The following CFH variants were observed in gnomAD, a reference collection of about 807,000 sequenced individuals.
The protein encoded by CFH is H factor 1 (complement).
Under a neutral mutation model 147.3 loss-of-function variants are expected in CFH, and 53 were observed. The ratio of observed to expected loss-of-function variants is 0.36; its 90% CI spans 0.29 to 0.45. The LOEUF is 0.45. Among genes scored for constraint, CFH ranks in the 20% least tolerant of loss-of-function variants. The probability of loss-of-function intolerance (pLI) is 1.00; values close to 1 mark genes in which losing one functional copy is unlikely to be tolerated. For synonymous variants in CFH, 536 were observed against 489.4 expected, an observed-to-expected ratio of 1.10 and a Z score of -1.26; for missense variants, 1,380 against 1,498.0, an observed-to-expected ratio of 0.92 and a Z score of 1.30.
In CFH at chr1:196,672,312, G is replaced by A. The variant is rs117207869; in HGVS notation, c.59-666G>A. 2.6e-3 allele frequency among the ~76,000 whole-genome samples: 400 copies of A among 152,196 alleles called. 2 individuals are homozygous for A. The highest frequency in any genetic ancestry group is 0.013 in the East Asian group (67 of 5,188). On this transcript the variant is annotated intron_variant, in intron 1 of 21. Transcript: ENST00000367429. Reference sequence around the variant, plus strand: ...TACTTGAAACAGGTCCTTCCTACTTGTGTTTTGTTCATTTAATCCTCTTTG... The same window carrying A: ...TACTTGAAACAGGTCCTTCCTACTTATGTTTTGTTCATTTAATCCTCTTTG...
rs80287404 is a variant in CFH, at chr1:196,692,901, C to CCTTCCTTCCTTCCTTCCTTCCTT, written c.1336+2663_1336+2664insTTCCTTCCTTCCTTCCTTCCTTC. On this transcript the variant is annotated intron_variant, in intron 9 of 21. Transcript: ENST00000367429. ...CACCTCCCTCCCTCCCTCCCTCCCT[C>CCTTCCTTCCTTCCTTCCTTCCTT]CCTTCCTTCCTTCCTTCCTTCCTTC... Among the ~76,000 whole-genome samples the CCTTCCTTCCTTCCTTCCTTCCTT allele has an allele frequency of 5.8e-4, 41 of 70,722 alleles. 1 individual carries two copies. Among genetic ancestry groups the CCTTCCTTCCTTCCTTCCTTCCTT allele is most frequent in the African/African-American group, 2.3e-3 (31 of 13,566 alleles). The allele number at this position is 70,722 out of a possible 152,430, so 46.4% of individuals were successfully genotyped here. A position where few individuals can be genotyped will look rare whatever the true frequency, so the allele number is the denominator to read the frequency against.
At chr1:196,735,940 T>C (rs1442132794) in intron 15 of CFH, among the ~76,000 whole-genome samples, 2 of 151,988 alleles carry the variant, frequency 1.3e-5, no homozygotes, top group African/African-American at 4.8e-5. Context: ...TTTCCTATAG[T>C]ACGATTACAT....
chr1:196,671,369 T>G (rs571791547), intron 1 of CFH, among the ~76,000 whole-genome samples: 16 of 152,170 alleles, frequency 1.1e-4, no homozygotes, highest in African/African-American at 3.9e-4. Context: ...ATCGTATTTT[T>G]AAACAAAAAC....
chr1:196,721,972 G>A (rs1669010285), intron 11 of CFH, among the ~76,000 whole-genome samples: 1 of 151,922 alleles, frequency 6.6e-6, no homozygotes, highest in Non-Finnish European at 1.5e-5. Context: ...GCAGCATGTG[G>A]TTGGTTTCTG....
chr1:196,708,964 T>C (rs1668660007), intron 9 of CFH, among the ~76,000 whole-genome samples: 1 of 152,176 alleles, frequency 6.6e-6, no homozygotes, highest in Non-Finnish European at 1.5e-5. Flanking sequence ...AAGAGGCTGC[T>C]AAGAACATTG....
intron 1 of CFH, among the ~76,000 whole-genome samples, chr1:196,667,253 G>A (rs1186840859): frequency 1.3e-5 from 2 of 152,130 alleles, no homozygotes; most frequent in South Asian, 2.1e-4. Context: ...TGAGTTTCAT[G>A]GTGTAAATTC....
At chr1:196,681,727 T>C (rs958112893) in intron 6 of CFH, among the ~76,000 whole-genome samples, 4 of 151,824 alleles carry the variant, frequency 2.6e-5, no homozygotes, top group Admixed American at 6.6e-5. Context: ...TAGTTAAGCA[T>C]ACACTCTCTC....
chr1:196,737,153 T>A, intron 16 of CFH, 147 bp downstream of exon 16: 1 of 730,090 alleles, frequency 1.4e-6, no homozygotes, highest in Non-Finnish European at 2.2e-6. Flanking sequence ...CATTAATCAA[T>A]CACCACTCTT....
chr1:196,737,061 CT>C, intron 16 of CFH, 55 bp downstream of exon 16: 1 of 1,448,540 alleles, frequency 6.9e-7, no homozygotes, highest in Non-Finnish European at 9.6e-7. Flanking sequence ...TTAATATTCT[CT>C]TGTGCTTCGT....
At chr1:196,734,327 G>C (rs1669348634) in intron 15 of CFH, among the ~76,000 whole-genome samples, 1 of 151,972 alleles carries the variant, frequency 6.6e-6, no homozygotes, top group Non-Finnish European at 1.5e-5. Flanking sequence ...GACATTCTTG[G>C]GTGGAAGAAG....
chr1:196,702,596 C>T (rs1407765933), intron 9 of CFH, among the ~76,000 whole-genome samples: 1 of 150,720 alleles, frequency 6.6e-6, no homozygotes, highest in Non-Finnish European at 1.5e-5. Flanking sequence ...AGAACCCTAC[C>T]TGAGCAGGCA....
At chr1:196,697,531 AAT>A (rs1257098173) in intron 9 of CFH, among the ~76,000 whole-genome samples, 1 of 152,214 alleles carries the variant, frequency 6.6e-6, no homozygotes, top group Non-Finnish European at 1.5e-5. Context: ...GATGTGGAGA[AAT>A]AGGAACACTT....
chr1:196,662,305 G>T (rs957874909), intron 1 of CFH, among the ~76,000 whole-genome samples: 2 of 152,090 alleles, frequency 1.3e-5, no homozygotes, highest in African/African-American at 4.8e-5. Flanking sequence ...GAACTTAAAA[G>T]ACATTAATTT....
chr1:196,738,745 G>A (rs1226432215), intron 17 of CFH, among the ~76,000 whole-genome samples: 1 of 152,112 alleles, frequency 6.6e-6, no homozygotes, highest in Non-Finnish European at 1.5e-5. Flanking sequence ...GCAAGCTATT[G>A]ATGGATCTAC....
intron 10 of CFH, among the ~76,000 whole-genome samples, chr1:196,714,274 C>T (rs1174222312): frequency 2.0e-5 from 3 of 151,836 alleles, no homozygotes; most frequent in Non-Finnish European, 2.9e-5. Flanking sequence ...CTCCTAGATA[C>T]AAAAGCAATG....
intron 9 of CFH, among the ~76,000 whole-genome samples, chr1:196,692,777 T>C (rs1178156097): frequency 8.7e-5 from 9 of 102,898 alleles, no homozygotes; most frequent in African/African-American, 3.1e-4. Context: ...TTTCTTTCTT[T>C]CTTTCTTTCT....
intron 3 of CFH, among the ~76,000 whole-genome samples, chr1:196,674,691 C>T (rs1030273966): frequency 6.6e-5 from 10 of 152,078 alleles, no homozygotes; most frequent in Admixed American, 6.6e-4. Context: ...ATTATTATTT[C>T]CCCATTTTTT....
intron 6 of CFH, among the ~76,000 whole-genome samples, chr1:196,683,161 GA>G (rs1292257044): frequency 6.6e-6 from 1 of 151,314 alleles, no homozygotes; most frequent in African/African-American, 2.4e-5. Flanking sequence ...AGATATAAAA[GA>G]AAAGCATCAC....
intron 3 of CFH, 69 bp from the exon 4 acceptor site, chr1:196,675,920 A>G: frequency 2.1e-6 from 2 of 950,496 alleles, no homozygotes; most frequent in South Asian, 1.3e-5. Context: ...GACACTCAGA[A>G]TGGCATCGAG....
Sources: allele counts gnomAD v4.1 joint callset (sites outside exome capture counted in the v4.1 genomes callset), GRCh38; gene constraint gnomAD v4.1.1; transcripts MANE v1.5; gene names NCBI Gene and HGNC (gene_info 2026-07-23, HGNC 2026-07-21).